RASAL2: variants seen among roughly 807,000 people sequenced by gnomAD.
RASAL2 encodes RAS protein activator like 2.
Under a neutral mutation model 128.9 loss-of-function variants are expected in RASAL2, and 58 were observed. The ratio of observed to expected loss-of-function variants is 0.45; its 90% CI spans 0.36 to 0.56. The LOEUF (loss-of-function observed/expected upper bound fraction) is 0.56. Ranked by LOEUF, RASAL2 falls within the 20% of genes least tolerant of loss-of-function variation. RASAL2 has a pLI of 0.00. For synonymous variants in RASAL2, 561 were observed against 580.8 expected (o/e 0.97, Z 0.49); for missense variants, 1,360 against 1,601.6 (o/e 0.85, Z 2.57).
In RASAL2 at chr1:178,473,445, T is replaced by TGGGGAACATAGGGA. The variant is rs2102976663; in HGVS notation, c.*206_*207insGGGGAACATAGGGA. On this transcript the variant is annotated 3_prime_UTR_variant, in exon 18 of 18. Transcript: ENST00000367649. ...AATGCTTTTCCCCCACATCTCTATG[T>TGGGGAACATAGGGA]ACATAGGGAACTTAGTTCTGGGCCA... 2 of 609,142 alleles carry TGGGGAACATAGGGA rather than the reference T, an allele frequency of 3.3e-6. No homozygotes were observed. The highest frequency in any genetic ancestry group is 5.6e-5 in the East Asian group (2 of 35,658). 37.7% of individuals were successfully genotyped at this position (609,142 alleles called of 1,614,324 possible).
chr1:178,336,591 G>T (rs1363833136), intron 3 of RASAL2, among the ~76,000 whole-genome samples: 1 of 151,748 alleles, frequency 6.6e-6, no homozygotes, highest in African/African-American at 2.4e-5. Context: ...TTATGTGTGT[G>T]TATGTATATG....
At chr1:178,379,369 T>C (rs1038631558) in intron 3 of RASAL2, among the ~76,000 whole-genome samples, 6 of 146,526 alleles carry the variant, frequency 4.1e-5, no homozygotes, top group African/African-American at 1.5e-4. Context: ...CAAGACCCTG[T>C]CTTGAAAGAG....
chr1:178,203,112 A>C (rs976445436), intron 1 of RASAL2, among the ~76,000 whole-genome samples: 1 of 152,152 alleles, frequency 6.6e-6, no homozygotes, highest in East Asian at 1.9e-4. Context: ...TGGAATAGAC[A>C]CTTACTCTGG....
At chr1:178,403,954 C>T (rs907252575) in intron 4 of RASAL2, among the ~76,000 whole-genome samples, 14 of 152,214 alleles carry the variant, frequency 9.2e-5, no homozygotes, top group African/African-American at 3.1e-4. Flanking sequence ...AGGTCGGGCA[C>T]GGTGGCTCAC....
At chr1:178,132,766 AT>A (rs35326037) in intron 1 of RASAL2, among the ~76,000 whole-genome samples, 25,467 of 129,934 alleles carry the variant, frequency 0.2, 1,848 homozygotes, top group African/African-American at 0.31. Flanking sequence ...ACAATTCAGA[AT>A]TTTTTTTTTT....
intron 2 of RASAL2, among the ~76,000 whole-genome samples, chr1:178,295,623 C>G (rs965784703): frequency 6.6e-6 from 1 of 152,140 alleles, no homozygotes; most frequent in African/African-American, 2.4e-5. Context: ...GCATCAGAAT[C>G]AGTCGGAGGC....
At chr1:178,228,091 T>G (rs1663859323) in intron 1 of RASAL2, among the ~76,000 whole-genome samples, 1 of 152,196 alleles carries the variant, frequency 6.6e-6, no homozygotes, top group South Asian at 2.1e-4. Flanking sequence ...GAACATAATT[T>G]TGAGCACTTG....
At chr1:178,400,456 C>T (rs77800214) in intron 4 of RASAL2, among the ~76,000 whole-genome samples, 5,591 of 152,142 alleles carry the variant, frequency 0.037, 151 homozygotes, top group South Asian at 0.081. Context: ...CGGGAGTGTA[C>T]ATTATCCATT....
chr1:178,395,795 A>ATATATATATT, intron 4 of RASAL2, among the ~76,000 whole-genome samples: 1 of 145,574 alleles, frequency 6.9e-6, no homozygotes, highest in African/African-American at 2.6e-5. Flanking sequence ...ATATATATTT[A>ATATATATATT]TTTATTCATA....
intron 1 of RASAL2, among the ~76,000 whole-genome samples, chr1:178,238,565 T>C (rs1020428986): frequency 1.3e-5 from 2 of 152,108 alleles, no homozygotes; most frequent in African/African-American, 4.8e-5. Context: ...TTTATATCCG[T>C]GTATTCATTC....
intron 3 of RASAL2, among the ~76,000 whole-genome samples, chr1:178,353,218 A>C (rs1295843269): frequency 6.6e-6 from 1 of 152,174 alleles, no homozygotes; most frequent in African/African-American, 2.4e-5. Context: ...TTTAAATATA[A>C]GTTCCAGTTT....
intron 12 of RASAL2, 103 bp from the exon 13 acceptor site, chr1:178,456,618 C>T: frequency 8.0e-7 from 1 of 1,250,658 alleles, no homozygotes; most frequent in Admixed American, 1.7e-5. Flanking sequence ...CCCTTCCCTC[C>T]AACCTACACC....
chr1:178,320,485 T>C (rs1353088815), intron 3 of RASAL2, among the ~76,000 whole-genome samples: 1 of 152,222 alleles, frequency 6.6e-6, no homozygotes, highest in African/African-American at 2.4e-5. Context: ...GTGTGGGATA[T>C]AGTCTCGTGG....
At chr1:178,320,395 G>A (rs1162291853) in intron 3 of RASAL2, among the ~76,000 whole-genome samples, 2 of 152,200 alleles carry the variant, frequency 1.3e-5, no homozygotes, top group Non-Finnish European at 1.5e-5. Flanking sequence ...CCCCAGCCTC[G>A]CTGCCGCCTT....
chr1:178,437,776 TTTAA>T (rs1676349255), intron 5 of RASAL2, among the ~76,000 whole-genome samples: 1 of 152,128 alleles, frequency 6.6e-6, no homozygotes, highest in South Asian at 2.1e-4. Flanking sequence ...CTTTCTAACA[TTTAA>T]TTATTTATAG....
intron 1 of RASAL2, among the ~76,000 whole-genome samples, chr1:178,269,267 T>C (rs1356035618): frequency 6.6e-6 from 1 of 152,226 alleles, no homozygotes; most frequent in Non-Finnish European, 1.5e-5. Flanking sequence ...TTGGACTTCA[T>C]AACCTCCAGA....
At chr1:178,355,918 C>A (rs900096994) in intron 3 of RASAL2, among the ~76,000 whole-genome samples, 2 of 152,164 alleles carry the variant, frequency 1.3e-5, no homozygotes, top group African/African-American at 4.8e-5. Flanking sequence ...CGCCTGTAAT[C>A]CCAGCACTTT....
In RASAL2 at chr1:178,423,542, C is replaced by G. The variant is rs183118226; in HGVS notation, c.674+2922C>G. On this transcript the variant is annotated intron_variant, in intron 5 of 17. Coordinates refer to ENST00000367649, the MANE Select transcript of RASAL2 (RefSeq NM_170692.4). ...TTACAACCACCCTAAGAGATAGTCA[C>G]TGTCATTACTCCTATTTTGAAGATG... Among the ~76,000 whole-genome samples the G allele has an allele frequency of 7.2e-5, 11 of 152,180 alleles. No individual in the cohort carries two copies. In the East Asian group the frequency reaches 1.2e-3, roughly 16 times the overall value.
intron 3 of RASAL2, among the ~76,000 whole-genome samples, chr1:178,317,584 G>T (rs1281530540): frequency 1.3e-5 from 2 of 149,678 alleles, no homozygotes; most frequent in African/African-American, 4.9e-5. Flanking sequence ...TTGCGTAGAG[G>T]TGTTTGTAGT....
Sources: allele counts gnomAD v4.1 joint callset (sites outside exome capture counted in the v4.1 genomes callset), GRCh38; gene constraint gnomAD v4.1.1; transcripts MANE v1.5; gene names NCBI Gene and HGNC (gene_info 2026-07-23, HGNC 2026-07-21).